Variants in DDX27 observed in about 807,000 individuals in gnomAD.
DDX27 encodes DEAD-box helicase 27, also known as probable ATP-dependent RNA helicase DDX27.
In DDX27, 42 loss-of-function variants were observed where a neutral mutation model predicts 99.3. The ratio of observed to expected loss-of-function variants is 0.42; its 90% CI spans 0.33 to 0.55. DDX27 has a LOEUF of 0.55. Among genes scored for constraint, DDX27 ranks in the 20% least tolerant of loss-of-function variants. The pLI is 0.07. For missense variants in DDX27, 798 were observed against 976.8 expected, an observed-to-expected ratio of 0.82 and a Z score of 2.44; for synonymous variants, 329 against 353.8, an observed-to-expected ratio of 0.93 and a Z score of 0.79.
chr20:49,239,193 A>G, intron 15 of DDX27, 43 bp from the exon 16 acceptor site: 1 of 1,592,330 alleles, frequency 6.3e-7, no homozygotes, highest in Non-Finnish European at 8.6e-7. Flanking sequence ...CTGTGTTAGT[A>G]GATACGGGTT....
At chr20:49,221,714 A>C in intron 2 of DDX27, 116 bp downstream of exon 2, 1 of 810,174 alleles carries the variant, frequency 1.2e-6, no homozygotes, top group Non-Finnish European at 1.8e-6. Context: ...AGATACTACA[A>C]CTCCTTTGAA....
rs758316573 is a variant in DDX27, at chr20:49,236,414, C to T, written c.1591C>T (p.Arg531Cys). 1.4e-5 allele frequency: 23 copies of T among 1,612,848 alleles called. No individual in the cohort carries two copies. Among genetic ancestry groups the T allele is most frequent in the Middle Eastern group, 1.6e-4 (1 of 6,084 alleles). Residue 531 changes from arginine to cysteine, a missense_variant, in exon 14 of 21, where the codon CGC (arginine) becomes TGC (cysteine). By Grantham distance (180) the Arg-to-Cys change is radical. Coordinates refer to ENST00000618172, the MANE Select transcript of DDX27 (RefSeq NM_017895.8). The surrounding 1 kb of genome is among the most constrained non-coding windows in gnomAD (Gnocchi z 4.1). Reference sequence around the variant, plus strand: ...AACAGCACGTGCTGGCAGGGCTGGGCGCTCAGTCTCTCTGGTGGGAGAAGA... The same window carrying T: ...AACAGCACGTGCTGGCAGGGCTGGGTGCTCAGTCTCTCTGGTGGGAGAAGA... ...GRTARAGRAG[R>C]SVSLVGEDER...
chr20:49,222,933 T>G, intron 2 of DDX27, 24 bp from the exon 3 acceptor site: 1 of 1,578,878 alleles, frequency 6.3e-7, no homozygotes, highest in African/African-American at 1.4e-5. Flanking sequence ...AATTTCTTTT[T>G]CACCTCTTTA....
chr20:49,223,888 A>G (rs1186917694), intron 4 of DDX27, among the ~76,000 whole-genome samples: 1 of 152,102 alleles, frequency 6.6e-6, no homozygotes, highest in African/African-American at 2.4e-5. Flanking sequence ...CTCAAAAAAC[A>G]AAACAAAAGA....
rs912896699 is a variant in DDX27, at chr20:49,230,184, C to T, written c.881-15C>T. 3.1e-6 allele frequency: 5 copies of T among 1,605,638 alleles called. No individual in the cohort carries two copies. The Middle Eastern group carries it at 5.0e-4, about 160-fold the overall frequency. On this transcript the variant is annotated splice_polypyrimidine_tract_variant and intron_variant, in intron 8 of 20. Coordinates refer to ENST00000618172, the MANE Select transcript of DDX27 (RefSeq NM_017895.8). ...GCTGACCTGGCCGCCTGGTGGGGCTCTCTTCTCTTTGCAGGCGGCTTGGAT... is the reference window on the plus strand; with the variant it reads ...GCTGACCTGGCCGCCTGGTGGGGCTTTCTTCTCTTTGCAGGCGGCTTGGAT...
chr20:49,237,320 C>T (rs944039926), intron 14 of DDX27, among the ~76,000 whole-genome samples: 1 of 152,092 alleles, frequency 6.6e-6, no homozygotes, highest in African/African-American at 2.4e-5. Context: ...AAGTGCAAGA[C>T]CCTGTCTCTA....
rs776525558 is a variant in DDX27 at position 49,222,316 on chromosome 20, T to C, written c.241-641T>C. 6.6e-4 allele frequency among the ~76,000 whole-genome samples: 100 copies of C among 150,680 alleles called. 1 individual carries two copies. Among genetic ancestry groups the C allele is most frequent in the Non-Finnish European group, 1.3e-3 (88 of 67,718 alleles). On this transcript the variant is annotated intron_variant, in intron 2 of 20. Coordinates refer to ENST00000618172, the MANE Select transcript of DDX27 (RefSeq NM_017895.8). Reference sequence around the variant, plus strand: ...CCCAGCTAATTTTTTGTAGTTTTTTTTTGTTGTTTTTGAGATGGAGTCTCA... The same window carrying C: ...CCCAGCTAATTTTTTGTAGTTTTTTCTTGTTGTTTTTGAGATGGAGTCTCA...
chr20:49,231,678 G>A (rs548587636), intron 9 of DDX27, among the ~76,000 whole-genome samples: 12 of 152,250 alleles, frequency 7.9e-5, no homozygotes, highest in East Asian at 7.7e-4. Context: ...TTACAGTGGC[G>A]TGATCTGGCA....
At chr20:49,233,789 TTTCCCCTGCGCCTCTGCCGTCCAGTC>T in intron 11 of DDX27, 80 bp downstream of exon 11, 1 of 1,516,464 alleles carries the variant, frequency 6.6e-7, no homozygotes, top group Non-Finnish European at 9.0e-7. Flanking sequence ...AAGTGCTTGG[TTTCCCCTGCGCCTCTGCCGTCCAGTC>T]TTCCCCAGCG....
intron 16 of DDX27, among the ~76,000 whole-genome samples, chr20:49,240,774 A>G (rs1026178803): frequency 6.6e-6 from 1 of 152,010 alleles, no homozygotes; most frequent in Admixed American, 6.6e-5. Flanking sequence ...TCATATGAGT[A>G]GATTGTTGAG....
chr20:49,226,518 G>C lies in DDX27; in HGVS notation c.689G>C (p.Cys230Ser), dbSNP rs755731359. 1 of 1,613,982 alleles carries C rather than the reference G, an allele frequency of 6.2e-7. No homozygotes were observed. Among genetic ancestry groups the C allele is most frequent in the Non-Finnish European group, 8.5e-7 (1 of 1,179,918 alleles). ...CTATTGGGGAAGGACATCTGTGCCTGTGCAGCCACTGGGACAGGTGAAAAG... is the reference window on the plus strand; with the variant it reads ...CTATTGGGGAAGGACATCTGTGCCTCTGCAGCCACTGGGACAGGTGAAAAG... Reference protein sequence around the residue: ...VGLLGKDICACAATGTGKTAA... With the variant: ...VGLLGKDICASAATGTGKTAA... The change falls in exon 7 of 21, where the codon TGT becomes TCT. Residue 230 changes from cysteine to serine, a missense_variant. By Grantham distance (112) the Cys-to-Ser change is moderately radical. Coordinates refer to ENST00000618172, the MANE Select transcript of DDX27 (RefSeq NM_017895.8).
In DDX27 at chr20:49,228,828, G is replaced by A. The variant is rs1979995219; in HGVS notation, c.820G>A (p.Val274Met). Residue 274 changes from valine (V) to methionine (M), a missense_variant, in exon 8 of 21, where the codon GTG (valine) becomes ATG (methionine). Physicochemically the swap from Val to Met is conservative, Grantham distance 21. This residue lies in a region of DDX27 where 553 missense variants were observed against 727.9 expected (regional missense o/e 0.76). Transcript: ENST00000618172. ...GCCCACCCGAGAGCTGGGCATCCAGGTGCACTCTGTCACCAGACAGCTGGC... is the reference window on the plus strand; with the variant it reads ...GCCCACCCGAGAGCTGGGCATCCAGATGCACTCTGTCACCAGACAGCTGGC... ...LVPTRELGIQ[V>M]HSVTRQLAQF... is the part of the protein sequence containing the mutation. The A allele has an allele frequency of 1.2e-6, 2 of 1,612,360 alleles. No homozygotes were observed. The highest frequency in any genetic ancestry group is 1.7e-6 in the Non-Finnish European group (2 of 1,179,138).
At chr20:49,232,963 G>A (rs560660035) in intron 9 of DDX27, among the ~76,000 whole-genome samples, 1 of 151,180 alleles carries the variant, frequency 6.6e-6, no homozygotes, top group South Asian at 2.1e-4. Flanking sequence ...CCTGGAGGCA[G>A]CTGAAGGAAT....
Position 49,228,860 on chromosome 20 carries a change from C to T in DDX27, c.852C>T (p.Phe284=). 1 of 1,604,158 alleles carries T rather than the reference C, an allele frequency of 6.2e-7. No individual in the cohort carries two copies. The highest frequency in any genetic ancestry group is 8.5e-7 in the Non-Finnish European group (1 of 1,172,798). The change falls in exon 8 of 21, where the codon TTC becomes TTT. Residue 284 remains phenylalanine (F), a synonymous_variant. Transcript: ENST00000618172. ...VHSVTRQLAQ[F]CNITTCLAVG... is the part of the protein sequence containing the mutation. ...CTGTCACCAGACAGCTGGCCCAGTTCTGCAACATCACCACCTGCCTGGCTG... is the reference window on the plus strand; with the variant it reads ...CTGTCACCAGACAGCTGGCCCAGTTTTGCAACATCACCACCTGCCTGGCTG...
chr20:49,222,945 T>G lies in DDX27; in HGVS notation c.241-12T>G. The G allele has an allele frequency of 6.3e-7, 1 of 1,595,176 alleles. No homozygotes were observed. The highest frequency in any genetic ancestry group is 8.5e-7 in the Non-Finnish European group (1 of 1,173,230). The stretch of plus-strand genomic sequence containing the variant: ...GAAAATTTCTTTTTCACCTCTTTAT[T>G]TTTATCTGCAGAGGGCAGCCACTAC... On this transcript the variant is annotated splice_polypyrimidine_tract_variant and intron_variant, in intron 2 of 20. Transcript: ENST00000618172.
chr20:49,231,463 A>T (rs181372847), intron 9 of DDX27, among the ~76,000 whole-genome samples: 1 of 152,196 alleles, frequency 6.6e-6, no homozygotes, highest in African/African-American at 2.4e-5. Context: ...GGGGAGGGAA[A>T]CTATTCAAGT....
chr20:49,230,585 C>T (rs761084883), intron 9 of DDX27, among the ~76,000 whole-genome samples: 28 of 152,210 alleles, frequency 1.8e-4, no homozygotes, highest in Admixed American at 1.8e-3. Context: ...TTGGTCCTGC[C>T]ACTTCCTAAG....
In DDX27 at chr20:49,236,593, T is replaced by C. The variant is rs1980318018; in HGVS notation, c.1687+83T>C. 2 of 1,367,096 alleles carry C rather than the reference T, an allele frequency of 1.5e-6. No individual in the cohort carries two copies. Among genetic ancestry groups the C allele is most frequent in the Non-Finnish European group, 1.9e-6 (2 of 1,038,228 alleles). The allele number at this position is 1,367,096 out of a possible 1,614,324, so 84.7% of individuals were successfully genotyped here. On this transcript the variant is annotated intron_variant, in intron 14 of 20. Coordinates refer to ENST00000618172, the MANE Select transcript of DDX27 (RefSeq NM_017895.8). The surrounding 1 kb of genome is among the most constrained non-coding windows in gnomAD (Gnocchi z 4.1). ...GTGTAATGGCTGAGAGCAGGTACTT[T>C]GCAGTTCAGAGCCAGATTTGAATTC...
At chr20:49,226,672 G>T in intron 7 of DDX27, 137 bp downstream of exon 7, 1 of 568,626 alleles carries the variant, frequency 1.8e-6, no homozygotes, top group Non-Finnish European at 3.0e-6. Context: ...TTTTTATTTT[G>T]TAGAGATAGG....
Sources: gnomAD v4.1 joint callset for allele counts (sites outside exome capture counted in the v4.1 genomes callset) on GRCh38, gnomAD v4.1.1 for gene constraint, gnomAD v4.1.1 regional missense constraint, Gnocchi (gnomAD v3.1) non-coding constraint, MANE v1.5 for transcripts, NCBI Gene and HGNC (gene_info 2026-07-23, HGNC 2026-07-21) for gene names.